Variants in TYR observed in about 807,000 individuals in gnomAD.
TYR encodes tyrosinase.
Under a neutral mutation model 51.5 loss-of-function variants are expected in TYR, and 58 were observed. That is an observed-to-expected ratio of 1.13 (90% CI 0.91 to 1.40). The LOEUF is 1.40. Ranked by LOEUF, TYR falls within the 40% of genes most tolerant of loss-of-function variation. The pLI is 0.00. For synonymous variants in TYR, 263 were observed against 235.2 expected (o/e 1.12, Z -1.08); for missense variants, 732 against 647.4 (o/e 1.13, Z -1.42).
intron 3 of TYR, among the ~76,000 whole-genome samples, chr11:89,237,007 A>G (rs1260346366): frequency 6.6e-6 from 1 of 152,172 alleles, no homozygotes; most frequent in African/African-American, 2.4e-5. Flanking sequence ...TTACACCATG[A>G]AATTGGCAAA....
rs143837255 is a variant in TYR, at chr11:89,269,011, A to C, written c.1185-15762A>C. Among the ~76,000 whole-genome samples the C allele has an allele frequency of 3.5e-3, 536 of 152,088 alleles. 3 individuals carry two copies. The highest frequency in any genetic ancestry group is 0.012 in the African/African-American group (505 of 41,530). On this transcript the variant is annotated intron_variant, in intron 3 of 4. Coordinates refer to ENST00000263321, the MANE Select transcript of TYR (RefSeq NM_000372.5). ...AGGCTTTATACACATCTTTAAGAGC[A>C]TCATTTATATTACCTTAACACTTTT...
At chr11:89,218,360 C>T (rs1943863161) in intron 2 of TYR, among the ~76,000 whole-genome samples, 1 of 152,004 alleles carries the variant, frequency 6.6e-6, no homozygotes, top group Non-Finnish European at 1.5e-5. Flanking sequence ...ACATATTCTG[C>T]CCTCTTGAAA....
At chr11:89,285,820 C>A (rs530964097) in intron 4 of TYR, among the ~76,000 whole-genome samples, 2 of 151,874 alleles carry the variant, frequency 1.3e-5, no homozygotes, top group South Asian at 4.1e-4. Flanking sequence ...CTCATCTCAC[C>A]GCACTGTAAT....
chr11:89,268,570 A>T (rs1944552052), intron 3 of TYR, among the ~76,000 whole-genome samples: 1 of 151,962 alleles, frequency 6.6e-6, no homozygotes, highest in South Asian at 2.1e-4. Context: ...CCCCTGGCAT[A>T]CTATGATCTC....
intron 2 of TYR, among the ~76,000 whole-genome samples, chr11:89,215,800 T>A (rs1398450419): frequency 6.6e-6 from 1 of 152,068 alleles, no homozygotes; most frequent in Non-Finnish European, 1.5e-5. Flanking sequence ...TGGAGAGAGA[T>A]CATTAATACT....
chr11:89,211,031 A>G (rs143026187), intron 2 of TYR, among the ~76,000 whole-genome samples: 3,840 of 152,282 alleles, frequency 0.025, 175 homozygotes, highest in African/African-American at 0.088. Flanking sequence ...AAGACCATCA[A>G]TGCTATGAAG....
In TYR at chr11:89,231,127, T is replaced by A. The variant is rs1235815746; in HGVS notation, c.1184+3157T>A. 2.2e-5 allele frequency among the ~76,000 whole-genome samples: 3 copies of A among 135,920 alleles called. No homozygotes were observed. In the East Asian group the frequency reaches 6.4e-4, roughly 29 times the overall value. The allele number at this position is 135,920 out of a possible 152,430, so 89.2% of individuals were successfully genotyped here. On this transcript the variant is annotated intron_variant, in intron 3 of 4. Transcript: ENST00000263321. ...TAGAGTTTGCAGTGAGCCAAGATCA[T>A]GCCATTGCACTCCAGCCTGAGTGAC...
chr11:89,184,923 T>TG (rs1481757426), intron 1 of TYR, among the ~76,000 whole-genome samples: 1 of 152,152 alleles, frequency 6.6e-6, no homozygotes, highest in Admixed American at 6.5e-5. Context: ...CCATCTATGG[T>TG]GGGGGGACTG....
intron 2 of TYR, among the ~76,000 whole-genome samples, chr11:89,226,633 G>A (rs879230589): frequency 3.3e-5 from 5 of 152,080 alleles, no homozygotes; most frequent in Admixed American, 2.6e-4. Context: ...CACAAGGCAT[G>A]TGATGCAAAA....
At chr11:89,280,469 G>C (rs2135321284) in intron 3 of TYR, among the ~76,000 whole-genome samples, 1 of 151,000 alleles carries the variant, frequency 6.6e-6, no homozygotes, top group East Asian at 2.0e-4. Context: ...TTGATTTCTA[G>C]GCTTTCTTTC....
At chr11:89,195,753 A>C (rs1943510888) in intron 2 of TYR, among the ~76,000 whole-genome samples, 1 of 152,164 alleles carries the variant, frequency 6.6e-6, no homozygotes, top group Non-Finnish European at 1.5e-5. Flanking sequence ...CTGTATTATA[A>C]GAAGTTTTCT....
At chr11:89,271,404 T>C (rs907618654) in intron 3 of TYR, among the ~76,000 whole-genome samples, 1 of 151,944 alleles carries the variant, frequency 6.6e-6, no homozygotes, top group Non-Finnish European at 1.5e-5. Flanking sequence ...ATTTACACTA[T>C]ATTGTAGTAT....
intron 4 of TYR, among the ~76,000 whole-genome samples, chr11:89,286,499 C>A (rs1447641335): frequency 6.6e-6 from 1 of 151,676 alleles, no homozygotes; most frequent in Admixed American, 6.6e-5. Flanking sequence ...TTTGCTTTTT[C>A]ATAGATGAGG....
rs187933305 is a variant in TYR at position 89,239,482 on chromosome 11, A to C, written c.1184+11512A>C. Among the ~76,000 whole-genome samples, 16 of 151,734 alleles carry C rather than the reference A, an allele frequency of 1.1e-4. No homozygotes were observed. In the South Asian group the frequency reaches 1.9e-3, roughly 18 times the overall value. On this transcript the variant is annotated intron_variant, in intron 3 of 4. Transcript: ENST00000263321. ...TTCTTATTCTGGATAAAGGTATGTC[A>C]ATTTTGTTTACCTTGTTAAAAACCA...
At chr11:89,249,627 C>T (rs1448112195) in intron 3 of TYR, among the ~76,000 whole-genome samples, 1 of 151,926 alleles carries the variant, frequency 6.6e-6, no homozygotes, top group Non-Finnish European at 1.5e-5. Flanking sequence ...CTTCGGGAGC[C>T]AGACTGGAGC....
chr11:89,227,861 C>T lies in TYR; in HGVS notation c.1075C>T (p.Gln359Ter), dbSNP rs62645909. 2 of 1,613,302 alleles carry T rather than the reference C, an allele frequency of 1.2e-6. No homozygotes were observed. The highest frequency in any genetic ancestry group is 1.7e-5 in the Admixed American group (1 of 59,898). Residue 359 changes from glutamine (Q) to a stop codon, truncating the protein, a stop_gained, in exon 3 of 5, where the codon CAA becomes TAA. Coordinates refer to ENST00000263321, the MANE Select transcript of TYR (RefSeq NM_000372.5). LOFTEE classifies it high-confidence loss of function. ...ACTTACTGGGATAGCGGATGCCTCT[C>T]AAAGCAGCATGCACAATGCCTTGCA... Reference protein sequence around the residue: ...SPLTGIADASQSSMHNALHIY... With the variant: ...SPLTGIADAS
At chr11:89,187,562 A>C (rs1943390840) in intron 1 of TYR, among the ~76,000 whole-genome samples, 1 of 152,166 alleles carries the variant, frequency 6.6e-6, no homozygotes, top group Non-Finnish European at 1.5e-5. Flanking sequence ...ATGGGTAGCC[A>C]GGAAATGGAA....
chr11:89,215,295 A>G (rs966235619), intron 2 of TYR, among the ~76,000 whole-genome samples: 10 of 144,570 alleles, frequency 6.9e-5, no homozygotes, highest in African/African-American at 2.6e-4. Flanking sequence ...AAAACCAATC[A>G]CCGTATGTTC....
At chr11:89,257,718 A>G (rs570513465) in intron 3 of TYR, among the ~76,000 whole-genome samples, 6 of 152,112 alleles carry the variant, frequency 3.9e-5, no homozygotes, top group South Asian at 2.1e-4. Flanking sequence ...TATTTTTTTT[A>G]CTACCCATTA....
Sources: gnomAD v4.1 joint callset for allele counts (sites outside exome capture counted in the v4.1 genomes callset) on GRCh38, gnomAD v4.1.1 for gene constraint, MANE v1.5 for transcripts, NCBI Gene and HGNC (gene_info 2026-07-23, HGNC 2026-07-21) for gene names.